The following SLC38A6 variants were observed in gnomAD, a reference collection of about 807,000 sequenced individuals.
SLC38A6 encodes the protein solute carrier family 38 member 6.
SLC38A6 carries 73 observed loss-of-function variants against 65.0 expected under a neutral mutation model. That is an observed-to-expected ratio of 1.12 (90% CI 0.93 to 1.37). The LOEUF is 1.37. Ranked by LOEUF, SLC38A6 falls within the 40% of genes most tolerant of loss-of-function variation. The pLI is 0.00. For missense variants in SLC38A6, 561 were observed against 531.1 expected (o/e 1.06, Z -0.55); for synonymous variants, 183 against 178.8 (o/e 1.02, Z -0.19).
intron 3 of SLC38A6, among the ~76,000 whole-genome samples, chr14:60,998,905 T>C (rs1413949299): frequency 6.6e-6 from 1 of 152,230 alleles, no homozygotes; most frequent in Non-Finnish European, 1.5e-5. Flanking sequence ...GTTTCAACTT[T>C]CCCTTAGTTG....
chr14:61,033,813 T>G (rs1216987810), intron 6 of SLC38A6, among the ~76,000 whole-genome samples: 1 of 152,150 alleles, frequency 6.6e-6, no homozygotes, highest in African/African-American at 2.4e-5. Context: ...TAAGATGAAT[T>G]ATTAAGGATA....
intron 3 of SLC38A6, among the ~76,000 whole-genome samples, chr14:60,991,084 T>C (rs2037847242): frequency 6.6e-6 from 1 of 152,244 alleles, no homozygotes; most frequent in South Asian, 2.1e-4. Flanking sequence ...TTGTTTTTAC[T>C]TCCACTCTTA....
intron 5 of SLC38A6, among the ~76,000 whole-genome samples, chr14:61,020,168 A>G (rs1178248365): frequency 6.6e-6 from 1 of 152,192 alleles, no homozygotes; most frequent in Non-Finnish European, 1.5e-5. Context: ...TTAATTATAG[A>G]CAGTTACTGA....
At chr14:61,006,218 A>G (rs1453322685) in intron 3 of SLC38A6, among the ~76,000 whole-genome samples, 23 of 152,264 alleles carry the variant, frequency 1.5e-4, no homozygotes, top group Non-Finnish European at 1.0e-4. Flanking sequence ...CTAAAACCAT[A>G]AAAACCCTAG....
intron 5 of SLC38A6, among the ~76,000 whole-genome samples, chr14:61,025,956 G>A (rs371370163): frequency 2.5e-4 from 38 of 152,260 alleles, no homozygotes; most frequent in South Asian, 1.5e-3. Flanking sequence ...TAGCACATCC[G>A]TTTGTTTAGG....
intron 3 of SLC38A6, among the ~76,000 whole-genome samples, chr14:61,007,584 G>A (rs140765414): frequency 6.6e-6 from 1 of 152,190 alleles, no homozygotes; most frequent in African/African-American, 2.4e-5. Flanking sequence ...CAAGGCTGCA[G>A]TGAGCTGTGA....
intron 8 of SLC38A6, among the ~76,000 whole-genome samples, chr14:61,039,884 A>T (rs912176942): frequency 1.3e-5 from 2 of 152,084 alleles, no homozygotes; most frequent in Non-Finnish European, 2.9e-5. Flanking sequence ...TCTTTGAATA[A>T]TATAAACTAA....
Position 61,052,482 on chromosome 14 carries a change from T to G in SLC38A6, c.*53T>G. On this transcript the variant is annotated 3_prime_UTR_variant, in exon 16 of 16. Coordinates refer to ENST00000267488, the MANE Select transcript of SLC38A6 (RefSeq NM_153811.3). The stretch of plus-strand genomic sequence containing the variant: ...AATAATATACCCCTAGTTGCAAGAA[T>G]GAATTATTCCGGAAGACACCCTGGA... 1 of 1,519,202 alleles carries G rather than the reference T, an allele frequency of 6.6e-7. No individual in the cohort carries two copies. Among genetic ancestry groups the G allele is most frequent in the South Asian group, 1.3e-5 (1 of 74,194 alleles). The allele number at this position is 1,519,202 out of a possible 1,614,324, so 94.1% of individuals were successfully genotyped here.
chr14:61,053,444 A>G (rs976592078), downstream of SLC38A6, among the ~76,000 whole-genome samples: 9 of 152,134 alleles, frequency 5.9e-5, no homozygotes, highest in Admixed American at 5.2e-4. Flanking sequence ...TTTTGCTTTT[A>G]GCTCTTTGAG....
chr14:60,998,749 A>C (rs1298393232), intron 3 of SLC38A6, among the ~76,000 whole-genome samples: 1 of 152,110 alleles, frequency 6.6e-6, no homozygotes, highest in Middle Eastern at 3.2e-3. Context: ...GCTGGAGCCC[A>C]AAAGCGCTCT....
intron 5 of SLC38A6, 113 bp downstream of exon 5, chr14:61,019,693 A>G: frequency 9.2e-7 from 1 of 1,085,584 alleles, no homozygotes; most frequent in Non-Finnish European, 1.4e-6. Context: ...AGCTATCTTC[A>G]GAAGCCTGTG....
intron 3 of SLC38A6, chr14:60,987,621 C>T (rs1490958989): frequency 6.6e-6 from 1 of 152,212 alleles, no homozygotes; most frequent in Non-Finnish European, 1.5e-5. Context: ...CTCCCTGGGG[C>T]AAAAATGCCC....
intron 1 of SLC38A6, chr14:60,981,725 G>C: frequency 4.6e-6 from 6 of 1,305,656 alleles, no homozygotes; most frequent in Non-Finnish European, 6.0e-6. Flanking sequence ...TTCTCCACCA[G>C]TCTCGTGAGG....
chr14:61,000,108 T>C (rs1318008593), intron 3 of SLC38A6, among the ~76,000 whole-genome samples: 1 of 152,250 alleles, frequency 6.6e-6, no homozygotes, highest in Admixed American at 6.5e-5. Flanking sequence ...AAACAAATTA[T>C]AGTCTTTTCT....
chr14:60,994,702 C>T (rs1403854868), intron 3 of SLC38A6, among the ~76,000 whole-genome samples: 1 of 131,718 alleles, frequency 7.6e-6, no homozygotes, highest in Non-Finnish European at 1.6e-5. Flanking sequence ...AAAACCTCGT[C>T]TCAAAAAAAA....
At chr14:61,013,684 C>A (rs1211420011) in intron 3 of SLC38A6, among the ~76,000 whole-genome samples, 1 of 152,182 alleles carries the variant, frequency 6.6e-6, no homozygotes, top group African/African-American at 2.4e-5. Flanking sequence ...GTTGAAAATT[C>A]TTTTCTTTAA....
intron 12 of SLC38A6, among the ~76,000 whole-genome samples, chr14:61,049,890 C>T (rs1041841178): frequency 9.9e-5 from 15 of 152,218 alleles, no homozygotes; most frequent in African/African-American, 3.4e-4. Flanking sequence ...AAAGCTTGGT[C>T]GGCATGTATA....
intron 4 of SLC38A6, among the ~76,000 whole-genome samples, chr14:61,019,230 T>C (rs2040203313): frequency 6.6e-6 from 1 of 152,130 alleles, no homozygotes; most frequent in Non-Finnish European, 1.5e-5. Context: ...GAGACACCAC[T>C]CCCACACTTT....
intron 15 of SLC38A6, among the ~76,000 whole-genome samples, chr14:61,073,409 C>G (rs1180362598): frequency 1.3e-5 from 2 of 152,114 alleles, no homozygotes. Flanking sequence ...TCTCCCAATA[C>G]CATTACATTG....
Sources: allele counts gnomAD v4.1 joint callset (sites outside exome capture counted in the v4.1 genomes callset), GRCh38; gene constraint gnomAD v4.1.1; transcripts MANE v1.5; gene names NCBI Gene and HGNC (gene_info 2026-07-23, HGNC 2026-07-21).